The following HECW1 variants were observed in gnomAD, a reference collection of about 807,000 sequenced individuals.
The protein encoded by HECW1 is HECT, C2 and WW domain containing E3 ubiquitin protein ligase 1, also known as E3 ubiquitin-protein ligase HECW1.
A neutral mutation model predicts 182.3 loss-of-function variants in HECW1; 61 were observed. That is an observed-to-expected ratio of 0.33 (90% CI 0.27 to 0.41). The LOEUF (loss-of-function observed/expected upper bound fraction) is 0.41, where lower values mean the gene tolerates loss of function less well. Among genes scored for constraint, HECW1 ranks in the 10% least tolerant of loss-of-function variants. The probability of loss-of-function intolerance (pLI) is 1.00; values close to 1 mark genes in which losing one functional copy is unlikely to be tolerated. For missense variants in HECW1, 1,739 were observed against 2,108.9 expected, an observed-to-expected ratio of 0.82 and a Z score of 3.44; for synonymous variants, 859 against 832.6, an observed-to-expected ratio of 1.03 and a Z score of -0.55.
At chr7:43,242,742 T>A (rs917252939) in intron 2 of HECW1, among the ~76,000 whole-genome samples, 1 of 152,132 alleles carries the variant, frequency 6.6e-6, no homozygotes, top group African/African-American at 2.4e-5. Flanking sequence ...AGGAAGGCAG[T>A]GCAGGGGAGC....
At chr7:43,122,365 C>G (rs939451877) in intron 2 of HECW1, among the ~76,000 whole-genome samples, 3 of 152,112 alleles carry the variant, frequency 2.0e-5, no homozygotes, top group Admixed American at 6.5e-5. Flanking sequence ...TACTTTCTTA[C>G]CAATATCTGA....
intron 5 of HECW1, among the ~76,000 whole-genome samples, chr7:43,322,769 C>T (rs965876988): frequency 3.3e-5 from 5 of 152,110 alleles, no homozygotes; most frequent in African/African-American, 1.2e-4. Flanking sequence ...ACATAATACT[C>T]GAATGTGTGC....
intron 26 of HECW1, among the ~76,000 whole-genome samples, chr7:43,546,633 A>G (rs1454379489): frequency 1.3e-5 from 2 of 151,784 alleles, no homozygotes; most frequent in African/African-American, 4.8e-5. Flanking sequence ...AAAAAAACAA[A>G]CAAACTTTAA....
At chr7:43,188,151 C>T (rs1433146897) in intron 2 of HECW1, among the ~76,000 whole-genome samples, 1 of 152,186 alleles carries the variant, frequency 6.6e-6, no homozygotes, top group Non-Finnish European at 1.5e-5. Flanking sequence ...GGATTGTTTT[C>T]GTGGCTCACC....
intron 8 of HECW1, among the ~76,000 whole-genome samples, chr7:43,428,363 C>T (rs2076427398): frequency 6.6e-6 from 1 of 152,184 alleles, no homozygotes; most frequent in Non-Finnish European, 1.5e-5. Flanking sequence ...AGTTGCCATT[C>T]ATTCATTTTC....
intron 2 of HECW1, among the ~76,000 whole-genome samples, chr7:43,192,952 C>T (rs993424547): frequency 6.6e-6 from 1 of 152,136 alleles, no homozygotes; most frequent in Non-Finnish European, 1.5e-5. Flanking sequence ...GGCAGAGCAG[C>T]CCCAAGGGCT....
chr7:43,434,502 G>C (rs2076649572), intron 8 of HECW1, among the ~76,000 whole-genome samples: 1 of 152,224 alleles, frequency 6.6e-6, no homozygotes, highest in East Asian at 1.9e-4. Flanking sequence ...TTCTTTAGAG[G>C]CTTGAAGTAA....
chr7:43,126,537 C>T (rs1046058865), intron 2 of HECW1, among the ~76,000 whole-genome samples: 1 of 152,030 alleles, frequency 6.6e-6, no homozygotes, highest in Non-Finnish European at 1.5e-5. Context: ...ACTAACTAGC[C>T]CTTTAAGAAA....
chr7:43,237,102 G>A (rs1176628154), intron 2 of HECW1, among the ~76,000 whole-genome samples: 2 of 151,624 alleles, frequency 1.3e-5, no homozygotes, highest in African/African-American at 4.8e-5. Flanking sequence ...GGGATGGGAG[G>A]GAGGGAAGAA....
At chr7:43,428,628 C>G (rs1315510739) in intron 8 of HECW1, among the ~76,000 whole-genome samples, 2 of 152,148 alleles carry the variant, frequency 1.3e-5, no homozygotes, top group African/African-American at 2.4e-5. Context: ...GAAGTTTGAC[C>G]AAGGTTGACC....
chr7:43,307,304 C>G (rs1807701603), intron 3 of HECW1, among the ~76,000 whole-genome samples: 1 of 152,208 alleles, frequency 6.6e-6, no homozygotes, highest in Non-Finnish European at 1.5e-5. Context: ...GTCCTCCTAT[C>G]AGTTCATATT....
chr7:43,544,695 T>C (rs928162399), intron 26 of HECW1, among the ~76,000 whole-genome samples: 79 of 152,220 alleles, frequency 5.2e-4, no homozygotes, highest in Non-Finnish European at 7.3e-5. Context: ...AAAATATCTG[T>C]AACAGTCTAA....
At chr7:43,387,867 AT>A (rs2074862067) in intron 6 of HECW1, among the ~76,000 whole-genome samples, 1 of 152,236 alleles carries the variant, frequency 6.6e-6, no homozygotes, top group African/African-American at 2.4e-5. Context: ...CAGATATTAG[AT>A]AATCTGCTAA....
chr7:43,473,872 A>C (rs773692295), intron 16 of HECW1, among the ~76,000 whole-genome samples: 7 of 152,220 alleles, frequency 4.6e-5, no homozygotes, highest in Non-Finnish European at 7.3e-5. Flanking sequence ...AATTGCAAAG[A>C]AGATGGAAAT....
At chr7:43,560,361 AT>A (rs2082170025) in intron 29 of HECW1, among the ~76,000 whole-genome samples, 2 of 152,160 alleles carry the variant, frequency 1.3e-5, no homozygotes, top group South Asian at 4.1e-4. Flanking sequence ...GCCAATCTGT[AT>A]TCGTATGTTT....
intron 3 of HECW1, among the ~76,000 whole-genome samples, chr7:43,302,411 A>G (rs974851298): frequency 1.5e-4 from 23 of 152,172 alleles, no homozygotes; most frequent in African/African-American, 5.5e-4. Flanking sequence ...CCCTCCCATG[A>G]CTGTCACTGT....
At chr7:43,407,203 C>T (rs538233289) in intron 7 of HECW1, among the ~76,000 whole-genome samples, 9 of 152,312 alleles carry the variant, frequency 5.9e-5, no homozygotes, top group South Asian at 2.1e-4. Flanking sequence ...CCATTGTCCA[C>T]GCTCTGTGCT....
Position 43,442,551 on chromosome 7 carries a change from C to T in HECW1, c.967C>T (p.Leu323Phe). Residue 323 changes from leucine (L) to phenylalanine (F), a missense_variant, in exon 10 of 30, where the codon CTT becomes TTT. Leu to Phe is a conservative substitution (Grantham distance 22). Coordinates refer to ENST00000395891, the MANE Select transcript of HECW1 (RefSeq NM_015052.5). ...AIGDRVVSYTLGRRLPTDHVS... is the reference protein window; with the variant it reads ...AIGDRVVSYTFGRRLPTDHVS... ...TAGGGATAGGGTGGTCAGCTACACA[C>T]TTGGCCGCAGGCTTCCAACAGATCA... 6.2e-7 allele frequency: 1 copy of T among 1,613,692 alleles called. No homozygotes were observed. Among genetic ancestry groups the T allele is most frequent in the Non-Finnish European group, 8.5e-7 (1 of 1,179,672 alleles).
At chr7:43,281,472 T>C (rs1562778528) in intron 3 of HECW1, among the ~76,000 whole-genome samples, 2 of 152,186 alleles carry the variant, frequency 1.3e-5, no homozygotes, top group Non-Finnish European at 2.9e-5. Context: ...AAACCTGTTA[T>C]TCAGAAGTTG....
Sources: allele counts gnomAD v4.1 joint callset (sites outside exome capture counted in the v4.1 genomes callset), GRCh38; gene constraint gnomAD v4.1.1; transcripts MANE v1.5; gene names NCBI Gene and HGNC (gene_info 2026-07-23, HGNC 2026-07-21).